The following UBE2G1 variants were observed in gnomAD, a reference collection of about 807,000 sequenced individuals.
The protein encoded by UBE2G1 is ubiquitin-conjugating enzyme E2 G1.
UBE2G1 carries 5 observed loss-of-function variants against 22.7 expected under a neutral mutation model. That is an observed-to-expected ratio of 0.22 (90% CI 0.12 to 0.46). The LOEUF (loss-of-function observed/expected upper bound fraction) is 0.46. UBE2G1 is among the 20% of genes least tolerant of loss of function. The probability of loss-of-function intolerance (pLI) is 0.99; values close to 1 mark genes in which losing one functional copy is unlikely to be tolerated. For missense variants in UBE2G1, 88 were observed against 203.9 expected, an observed-to-expected ratio of 0.43 and a Z score of 3.46; for synonymous variants, 74 against 67.5, an observed-to-expected ratio of 1.10 and a Z score of -0.47.
At chr17:4,277,743 T>C (rs552580211) in intron 5 of UBE2G1, among the ~76,000 whole-genome samples, 4 of 152,242 alleles carry the variant, frequency 2.6e-5, no homozygotes, top group African/African-American at 9.6e-5. Flanking sequence ...TTCAAGTGTT[T>C]ATAGTGAGTT....
intron 1 of UBE2G1, among the ~76,000 whole-genome samples, chr17:4,317,166 A>G (rs1378087065): frequency 6.6e-6 from 1 of 152,068 alleles, no homozygotes; most frequent in East Asian, 1.9e-4. Context: ...CCTGGCCAGA[A>G]TGGTGAAACC....
intron 1 of UBE2G1, among the ~76,000 whole-genome samples, chr17:4,353,802 G>C (rs1446456687): frequency 6.8e-6 from 1 of 146,370 alleles, no homozygotes; most frequent in African/African-American, 2.6e-5. Context: ...GAGCCACCGT[G>C]CCCGGTCAAA....
At position 4,294,874 on chromosome 17, in the gene UBE2G1, G is replaced by T. The variant is rs116973031; in HGVS notation, c.247+1843C>A. On this transcript the variant is annotated intron_variant, in intron 3 of 5. Transcript: ENST00000396981. ...GCTGTGATCATGCCATTGCACTGCA[G>T]CCTGGGTGGCAGAGTGAGACCCTGT... Among the ~76,000 whole-genome samples, 58 of 152,206 alleles carry T rather than the reference G, an allele frequency of 3.8e-4. No individual in the cohort carries two copies. In the East Asian group the frequency reaches 0.011, roughly 28 times the overall value.
intron 1 of UBE2G1, among the ~76,000 whole-genome samples, chr17:4,358,939 C>G (rs1194029032): frequency 6.7e-6 from 1 of 149,442 alleles, no homozygotes; most frequent in Non-Finnish European, 1.5e-5. Context: ...GCAACAAGAG[C>G]GAAACTCCAT....
intron 2 of UBE2G1, chr17:4,301,526 G>GAA: frequency 2.4e-6 from 3 of 1,249,508 alleles, no homozygotes; most frequent in Non-Finnish European, 3.5e-6. Flanking sequence ...TGAACACCAT[G>GAA]AAATTCATGC....
chr17:4,279,918 C>G (rs1231055337), intron 5 of UBE2G1, among the ~76,000 whole-genome samples: 1 of 150,956 alleles, frequency 6.6e-6, no homozygotes, highest in African/African-American at 2.5e-5. Context: ...ATCTAAAAAC[C>G]TGAACACGCA....
chr17:4,366,271 C>T lies in UBE2G1; in HGVS notation c.46G>A (p.Glu16Lys). 1 of 1,554,094 alleles carries T rather than the reference C, an allele frequency of 6.4e-7. No homozygotes were observed. The highest frequency in any genetic ancestry group is 1.2e-5 in the South Asian group (1 of 86,258). ...GGCGCCCCGCCGCCCGCCTGCTCAC[C>T]TGCCAGCTGTCTTCGCAGTAGCAGT... ...SALLLRRQLA[E>K]LNKNPVEGFS... Residue 16 changes from glutamate (E) to lysine (K), a missense_variant and splice_region_variant, in exon 1 of 6, where the codon GAA becomes AAA. By Grantham distance (56) the Glu-to-Lys change is moderately conservative. Coordinates refer to ENST00000396981, the MANE Select transcript of UBE2G1 (RefSeq NM_003342.5).
At chr17:4,289,550 G>A in intron 3 of UBE2G1, 142 bp from the exon 4 acceptor site, 1 of 929,862 alleles carries the variant, frequency 1.1e-6, no homozygotes, top group Non-Finnish European at 1.5e-6. Context: ...AAAATGCAAT[G>A]TGTTGACTTT....
intron 1 of UBE2G1, among the ~76,000 whole-genome samples, chr17:4,346,531 T>G (rs1969776337): frequency 6.7e-6 from 1 of 149,178 alleles, no homozygotes; most frequent in Non-Finnish European, 1.5e-5. Context: ...GCCTCCTGGG[T>G]TCAAGCGATT....
intron 1 of UBE2G1, among the ~76,000 whole-genome samples, chr17:4,349,142 GA>G (rs540998072): frequency 6.6e-6 from 1 of 152,128 alleles, no homozygotes; most frequent in South Asian, 2.1e-4. Context: ...CCAACATGGT[GA>G]AACCCTGTCT....
intron 1 of UBE2G1, among the ~76,000 whole-genome samples, chr17:4,343,733 C>A (rs1325898329): frequency 6.6e-6 from 1 of 151,910 alleles, no homozygotes; most frequent in Non-Finnish European, 1.5e-5. Context: ...GGACTACTGG[C>A]GCCCACCACC....
At chr17:4,343,167 T>G (rs185529988) in intron 1 of UBE2G1, among the ~76,000 whole-genome samples, 1 of 152,338 alleles carries the variant, frequency 6.6e-6, no homozygotes. Flanking sequence ...AAGTAGGCAC[T>G]CAAATATTTG....
At chr17:4,328,764 T>C (rs924317551) in intron 1 of UBE2G1, among the ~76,000 whole-genome samples, 1 of 152,208 alleles carries the variant, frequency 6.6e-6, no homozygotes, top group African/African-American at 2.4e-5. Context: ...TGACTGCCAC[T>C]TGATGGGCTT....
At chr17:4,330,313 T>C (rs1031587998) in intron 1 of UBE2G1, among the ~76,000 whole-genome samples, 1 of 152,210 alleles carries the variant, frequency 6.6e-6, no homozygotes, top group Non-Finnish European at 1.5e-5. Context: ...CACTTTTCCA[T>C]ACGCCACTCC....
Position 4,279,857 on chromosome 17 carries a change from C to G in UBE2G1, c.*37+2941G>C, listed in dbSNP as rs184217399. 2.8e-3 allele frequency among the ~76,000 whole-genome samples: 370 copies of G among 133,680 alleles called. 6 individuals are homozygous for G. Among genetic ancestry groups the G allele is most frequent in the Admixed American group, 0.024 (310 of 12,928 alleles). 87.7% of individuals were successfully genotyped at this position (133,680 alleles called of 152,430 possible). A position where few individuals can be genotyped will look rare whatever the true frequency, so the allele number is the denominator to read the frequency against. ...TGAACCTCAGTTTGTCCAAAGGATA[C>G]CACAAAGAAAATAAAAGGACAAGTA... On this transcript the variant is annotated intron_variant, in intron 5 of 5. Transcript: ENST00000396981.
In UBE2G1 at chr17:4,270,775, A is replaced by G. The variant is rs990916782; in HGVS notation, c.*1779T>C. On this transcript the variant is annotated 3_prime_UTR_variant, in exon 6 of 6. Coordinates refer to ENST00000396981, the MANE Select transcript of UBE2G1 (RefSeq NM_003342.5). ...GTTTGTATAATGTTTACAGGTTTTT[A>G]TAACGCTTCAGAGTAGAGGACAGGG... 4 of 152,274 alleles carry G rather than the reference A, an allele frequency of 2.6e-5. No homozygotes were observed. The highest frequency in any genetic ancestry group is 3.4e-3 in the Middle Eastern group (1 of 294). 9.4% of individuals were successfully genotyped at this position (152,274 alleles called of 1,614,324 possible).
At chr17:4,341,992 C>A (rs776352302) in intron 1 of UBE2G1, among the ~76,000 whole-genome samples, 3 of 152,230 alleles carry the variant, frequency 2.0e-5, no homozygotes, top group Non-Finnish European at 4.4e-5. Flanking sequence ...AGTCCTCAAT[C>A]TTCTTCACCT....
intron 5 of UBE2G1, among the ~76,000 whole-genome samples, chr17:4,282,036 C>T (rs1257014548): frequency 6.6e-6 from 1 of 152,080 alleles, no homozygotes; most frequent in African/African-American, 2.4e-5. Flanking sequence ...AACTACTGGC[C>T]CTATCTGTAA....
At chr17:4,274,581 C>CCTA (rs1968800202) in intron 5 of UBE2G1, among the ~76,000 whole-genome samples, 1 of 152,120 alleles carries the variant, frequency 6.6e-6, no homozygotes, top group African/African-American at 2.4e-5. Context: ...AGACAACCTC[C>CCTA]CTACAAGATC....
Sources: gnomAD v4.1 joint callset for allele counts (sites outside exome capture counted in the v4.1 genomes callset) on GRCh38, gnomAD v4.1.1 for gene constraint, MANE v1.5 for transcripts, NCBI Gene and HGNC (gene_info 2026-07-23, HGNC 2026-07-21) for gene names.